Variants in ZNF462 observed in about 807,000 individuals in gnomAD.
The protein encoded by ZNF462 is zinc finger PBX1-interacting protein.
In ZNF462, 10 loss-of-function variants were observed where a neutral mutation model predicts 201.9. That is an observed-to-expected ratio of 0.05 (90% CI 0.03 to 0.08). The LOEUF is 0.08. ZNF462 is among the 10% of genes least tolerant of loss of function. The pLI is 1.00. For synonymous variants in ZNF462, 1,227 were observed against 1,193.3 expected (o/e 1.03, Z -0.58); for missense variants, 2,523 against 3,168.3 (o/e 0.80, Z 4.89).
At position 106,896,175 on chromosome 9, in the gene ZNF462, A is replaced by G. The variant is rs548673767; in HGVS notation, c.-30-27179A>G. Among the ~76,000 whole-genome samples the G allele has an allele frequency of 5.9e-5, 9 of 152,262 alleles. No homozygotes were observed. In the South Asian group the frequency reaches 1.7e-3, roughly 28 times the overall value. ...ATTTTTAACTTCCATGAGAAAGAAC[A>G]TGCCTTATACCAGCCTTCTGTCCCC... On this transcript the variant is annotated intron_variant, in intron 1 of 12. Transcript: ENST00000277225.
chr9:106,943,772 C>A (rs529896694), intron 7 of ZNF462, among the ~76,000 whole-genome samples: 1 of 152,268 alleles, frequency 6.6e-6, no homozygotes, highest in African/African-American at 2.4e-5. Context: ...CCAGTGGTAT[C>A]TTGGAGGCAT....
Position 106,927,213 on chromosome 9 carries a change from C to T in ZNF462, c.3301C>T (p.Pro1101Ser), listed in dbSNP as rs372055331. ...AATGTCCAACATGGGTTCCCCACCC[C>T]CCCCACAACCCCCGCCACCAGACCT... is the stretch of plus-strand genomic sequence containing the variant. ...PKMSNMGSPP[P>S]PQPPPPDLST... The change falls in exon 3 of 13, where the codon CCC becomes TCC. Residue 1101 changes from proline to serine, a missense_variant. Physicochemically the swap from Pro to Ser is moderately conservative, Grantham distance 74. This residue lies in a region of ZNF462 where 280 missense variants were observed against 321.3 expected (regional missense o/e 0.87). Coordinates refer to ENST00000277225, the MANE Select transcript of ZNF462 (RefSeq NM_021224.6). 4.4e-6 allele frequency: 7 copies of T among 1,608,304 alleles called. No individual in the cohort carries two copies. The African/African-American group carries it at 8.1e-5, about 19-fold the overall frequency.
At chr9:106,879,332 A>ACCCCCCCCCCC (rs796290122) in intron 1 of ZNF462, among the ~76,000 whole-genome samples, 32 of 70,698 alleles carry the variant, frequency 4.5e-4, no homozygotes, top group African/African-American at 5.0e-4. Flanking sequence ...GATGCTTTCC[A>ACCCCCCCCCCC]CCCCCCCCCC....
At position 106,977,069 on chromosome 9, in the gene ZNF462, C is replaced by T. The variant is rs980604193; in HGVS notation, c.6832+2796C>T. Among the ~76,000 whole-genome samples, 4 of 152,154 alleles carry T rather than the reference C, an allele frequency of 2.6e-5. No homozygotes were observed. The highest frequency in any genetic ancestry group is 4.4e-5 in the Non-Finnish European group (3 of 68,048). ...CAGAGGAGGTCAGAGGGGAAGTCCACGGATCCACAGGCAGCAGAGTGCCTC... is the reference window on the plus strand; with the variant it reads ...CAGAGGAGGTCAGAGGGGAAGTCCATGGATCCACAGGCAGCAGAGTGCCTC... On this transcript the variant is annotated intron_variant, in intron 9 of 12. Transcript: ENST00000277225. This position sits in a 1 kb window ranked among gnomAD's most constrained non-coding sequence, Gnocchi z 4.6.
At chr9:106,990,956 GAT>G (rs1828228659) in intron 10 of ZNF462, among the ~76,000 whole-genome samples, 1 of 151,974 alleles carries the variant, frequency 6.6e-6, no homozygotes, top group African/African-American at 2.4e-5. Context: ...TAGGGGGAAA[GAT>G]ATACAAACAC....
At position 107,013,100 on chromosome 9, in the gene ZNF462, A is replaced by G. The variant is rs1830015722; in HGVS notation, c.*2070A>G. ...GTTTGTAATGGTTACCAAAAAACAA[A>G]CAAAAAAAGAAAGAAAAAGGAAAAA... On this transcript the variant is annotated 3_prime_UTR_variant, in exon 13 of 13. Transcript: ENST00000277225. 6.6e-6 allele frequency: 1 copy of G among 151,888 alleles called. No homozygotes were observed. Among genetic ancestry groups the G allele is most frequent in the South Asian group, 2.1e-4 (1 of 4,832 alleles). The allele number at this position is 151,888 out of a possible 1,614,324, so 9.4% of individuals were successfully genotyped here.
chr9:106,925,488 A>C lies in ZNF462; in HGVS notation c.1576A>C (p.Asn526His), dbSNP rs1830153556. 1 of 1,614,150 alleles carries C rather than the reference A, an allele frequency of 6.2e-7. No individual in the cohort carries two copies. The highest frequency in any genetic ancestry group is 2.2e-5 in the East Asian group (1 of 44,876). ...GVVSYESSSI[N>H]GRKSGVMLDP... ...GGTGTCTTATGAGAGCTCAAGCATC[A>C]ATGGTAGAAAGTCAGGAGTCATGTT... is the stretch of plus-strand genomic sequence containing the variant. Residue 526 changes from asparagine (N) to histidine (H), a missense_variant, in exon 3 of 13, where the codon AAT becomes CAT. Asn to His is a moderately conservative substitution (Grantham distance 68). This residue lies in a region of ZNF462 where 383 missense variants were observed against 453.4 expected (regional missense o/e 0.84). Coordinates refer to ENST00000277225, the MANE Select transcript of ZNF462 (RefSeq NM_021224.6). This position sits in a 1 kb window ranked among gnomAD's most constrained non-coding sequence, Gnocchi z 7.9.
intron 6 of ZNF462, among the ~76,000 whole-genome samples, chr9:106,937,447 C>A (rs1830678790): frequency 6.6e-6 from 1 of 152,170 alleles, no homozygotes; most frequent in African/African-American, 2.4e-5. Context: ...CCTTAGACCA[C>A]ACCTCTGTTC....
Position 106,924,513 on chromosome 9 carries a change from C to G in ZNF462, c.601C>G (p.Pro201Ala), listed in dbSNP as rs1348669582. 1 of 1,614,166 alleles carries G rather than the reference C, an allele frequency of 6.2e-7. No homozygotes were observed. Among genetic ancestry groups the G allele is most frequent in the East Asian group, 2.2e-5 (1 of 44,868 alleles). Residue 201 changes from proline to alanine, a missense_variant, in exon 3 of 13, where the codon CCA becomes GCA. By Grantham distance (27) the Pro-to-Ala change is conservative. Around this residue, in one of 15 missense-constraint regions of ZNF462, gnomAD observed 480 missense variants for 544.4 expected, o/e 0.88. Coordinates refer to ENST00000277225, the MANE Select transcript of ZNF462 (RefSeq NM_021224.6). This position sits in a 1 kb window ranked among gnomAD's most constrained non-coding sequence, Gnocchi z 6.2. Reference sequence around the variant, plus strand: ...CACTGCTCCCCCACCTGCTCCTGCTCCAATGCCAGACCCTGTGGTTCCGCC... The same window carrying G: ...CACTGCTCCCCCACCTGCTCCTGCTGCAATGCCAGACCCTGTGGTTCCGCC... ...ETTAPPPAPA[P>A]MPDPVVPPVS...
rs1257184404 is a variant in ZNF462, at chr9:106,920,161, G to A, written c.-30-3193G>A. Among the ~76,000 whole-genome samples the A allele has an allele frequency of 2.0e-5, 3 of 149,724 alleles. No homozygotes were observed. Among genetic ancestry groups the A allele is most frequent in the African/African-American group, 4.9e-5 (2 of 40,634 alleles). On this transcript the variant is annotated intron_variant, in intron 1 of 12. Transcript: ENST00000277225. The surrounding 1 kb of genome is among the most constrained non-coding windows in gnomAD (Gnocchi z 4.3). ...TTTCTCACCTTTTTTTTTTTTCCTC[G>A]GTTTTGGTTTCTTAGAGGATTACCA...
rs762698063 is a variant in ZNF462, at chr9:106,930,769, A to G, written c.6012+80A>G. On this transcript the variant is annotated intron_variant, in intron 4 of 12. Coordinates refer to ENST00000277225, the MANE Select transcript of ZNF462 (RefSeq NM_021224.6). The surrounding 1 kb of genome is among the most constrained non-coding windows in gnomAD (Gnocchi z 5.8). ...TTAACCCCATTGCCTAAAGCAGCTC[A>G]GGAAAGAGCATCTCAGAATGCGGGC... The G allele has an allele frequency of 4.6e-6, 7 of 1,529,016 alleles. No homozygotes were observed. Among genetic ancestry groups the G allele is most frequent in the Non-Finnish European group, 6.2e-6 (7 of 1,121,454 alleles). The allele number at this position is 1,529,016 out of a possible 1,614,324, so 94.7% of individuals were successfully genotyped here. A position where few individuals can be genotyped will look rare whatever the true frequency, so the allele number is the denominator to read the frequency against.
rs1829540664 is a variant in ZNF462, at chr9:107,006,337, C to T, written c.7189+2911C>T. On this transcript the variant is annotated intron_variant, in intron 11 of 12. Transcript: ENST00000277225. This position sits in a 1 kb window ranked among gnomAD's most constrained non-coding sequence, Gnocchi z 4.3. ...GACCCAGGAAATTTAAGAGCATGTT[C>T]AAAGTAAAAAACAAAACAAACAAAC... Among the ~76,000 whole-genome samples, 1 of 152,016 alleles carries T rather than the reference C, an allele frequency of 6.6e-6. No homozygotes were observed. Among genetic ancestry groups the T allele is most frequent in the South Asian group, 2.1e-4 (1 of 4,814 alleles).
In ZNF462 at chr9:107,009,716, G is replaced by A. The variant is rs371035234; in HGVS notation, c.7313+48G>A. 3 of 1,578,556 alleles carry A rather than the reference G, an allele frequency of 1.9e-6. No homozygotes were observed. Among genetic ancestry groups the A allele is most frequent in the African/African-American group, 1.3e-5 (1 of 74,262 alleles). Reference sequence around the variant, plus strand: ...TGCCTTTGTCCAAAGCAAGAGGTAGGGAGGGAGGGAGGGGCTCTTGTTTTG... The same window carrying A: ...TGCCTTTGTCCAAAGCAAGAGGTAGAGAGGGAGGGAGGGGCTCTTGTTTTG... On this transcript the variant is annotated intron_variant, in intron 12 of 12. Coordinates refer to ENST00000277225, the MANE Select transcript of ZNF462 (RefSeq NM_021224.6). This position sits in a 1 kb window ranked among gnomAD's most constrained non-coding sequence, Gnocchi z 6.1.
In ZNF462 at chr9:107,009,090, A is replaced by G. The variant is rs771329648; in HGVS notation, c.7190-455A>G. On this transcript the variant is annotated intron_variant, in intron 11 of 12. Coordinates refer to ENST00000277225, the MANE Select transcript of ZNF462 (RefSeq NM_021224.6). The surrounding 1 kb of genome is among the most constrained non-coding windows in gnomAD (Gnocchi z 6.1). ...GTAGAAACCCTGAGGTCCACAACACATAACCTGGTCCAGGGCTTTCGGTAG... is the reference window on the plus strand; with the variant it reads ...GTAGAAACCCTGAGGTCCACAACACGTAACCTGGTCCAGGGCTTTCGGTAG... 2.1e-4 allele frequency: 34 copies of G among 160,598 alleles called. No individual in the cohort carries two copies. The highest frequency in any genetic ancestry group is 3.1e-4 in the Non-Finnish European group (23 of 73,112). The allele number at this position is 160,598 out of a possible 1,614,324, so 9.9% of individuals were successfully genotyped here. A position where few individuals can be genotyped will look rare whatever the true frequency, so the allele number is the denominator to read the frequency against.
At position 106,873,929 on chromosome 9, in the gene ZNF462, C is replaced by T. The variant is rs1272152923; in HGVS notation, c.-31+10574C>T. On this transcript the variant is annotated intron_variant, in intron 1 of 12. Transcript: ENST00000277225. ...AATCCTAACATTGCTATGGATCTATCCAGTTGATCTCTGGTCTCCAGACAG... is the reference window on the plus strand; with the variant it reads ...AATCCTAACATTGCTATGGATCTATTCAGTTGATCTCTGGTCTCCAGACAG... Among the ~76,000 whole-genome samples the T allele has an allele frequency of 3.3e-5, 5 of 152,110 alleles. No homozygotes were observed. The East Asian group carries it at 9.7e-4, about 29-fold the overall frequency.
In ZNF462 at chr9:106,925,647, C is replaced by G; in HGVS notation, c.1735C>G (p.Gln579Glu). ...QPPHQVPPQP[Q>E]TQPPPTQQPQ... ...ACCACATCAGGTGCCACCCCAGCCA[C>G]AAACACAGCCACCACCAACGCAGCA... Residue 579 changes from glutamine to glutamate, a missense_variant, in exon 3 of 13, where the codon CAA becomes GAA. Physicochemically the swap from Gln to Glu is conservative, Grantham distance 29 (BLOSUM62 2). This residue lies in a region of ZNF462 where 383 missense variants were observed against 453.4 expected (regional missense o/e 0.84). Coordinates refer to ENST00000277225, the MANE Select transcript of ZNF462 (RefSeq NM_021224.6). The surrounding 1 kb of genome is among the most constrained non-coding windows in gnomAD (Gnocchi z 7.9). 2 of 1,614,060 alleles carry G rather than the reference C, an allele frequency of 1.2e-6. No individual in the cohort carries two copies. Among genetic ancestry groups the G allele is most frequent in the Non-Finnish European group, 1.7e-6 (2 of 1,179,976 alleles).
rs1827554436 is a variant in ZNF462, at chr9:106,870,790, T to G, written c.-31+7435T>G. Among the ~76,000 whole-genome samples, 1 of 152,140 alleles carries G rather than the reference T, an allele frequency of 6.6e-6. No homozygotes were observed. The highest frequency in any genetic ancestry group is 2.1e-4 in the South Asian group (1 of 4,828). ...GTCAGAAGTAATAAAGCCCAGGATT[T>G]GTGGAGAGAGCTTAGCCGCCACAGA... On this transcript the variant is annotated intron_variant, in intron 1 of 12. Transcript: ENST00000277225. This position sits in a 1 kb window ranked among gnomAD's most constrained non-coding sequence, Gnocchi z 4.3.
rs761049992 is a variant in ZNF462 at position 107,010,840 on chromosome 9, A to T, written c.7331A>T (p.Lys2444Met). 6.2e-7 allele frequency: 1 copy of T among 1,612,920 alleles called. No homozygotes were observed. The highest frequency in any genetic ancestry group is 8.5e-7 in the Non-Finnish European group (1 of 1,179,450). ...LRHGMALNDT[K>M]QVSREEIHPK... The stretch of plus-strand genomic sequence containing the variant: ...TTTTCCAGGGCATTGAATGACACCA[A>T]GCAGGTGAGCAGAGAAGAAATCCAC... The change falls in exon 13 of 13, where the codon AAG (lysine) becomes ATG (methionine). Residue 2444 changes from lysine to methionine, a missense_variant. By Grantham distance (95) the Lys-to-Met change is moderately conservative. Around this residue, in one of 15 missense-constraint regions of ZNF462, gnomAD observed 228 missense variants for 361.2 expected, o/e 0.63. Coordinates refer to ENST00000277225, the MANE Select transcript of ZNF462 (RefSeq NM_021224.6). The surrounding 1 kb of genome is among the most constrained non-coding windows in gnomAD (Gnocchi z 4.6).
chr9:106,930,428 C>T lies in ZNF462; in HGVS notation c.5848-97C>T, dbSNP rs1414194369. The T allele has an allele frequency of 7.4e-6, 11 of 1,480,752 alleles. No homozygotes were observed. The highest frequency in any genetic ancestry group is 5.6e-5 in the African/African-American group (4 of 71,250). 91.7% of individuals were successfully genotyped at this position (1,480,752 alleles called of 1,614,324 possible). On this transcript the variant is annotated intron_variant, in intron 3 of 12. Transcript: ENST00000277225. The surrounding 1 kb of genome is among the most constrained non-coding windows in gnomAD (Gnocchi z 5.8). ...CTCCCTTGGTTTTTAACCTGCTAAT[C>T]GGCTTTAAAATAAAGTATGTTAGTA...
Sources: allele counts gnomAD v4.1 joint callset (sites outside exome capture counted in the v4.1 genomes callset), GRCh38; gene constraint gnomAD v4.1.1; regional missense constraint gnomAD v4.1.1; non-coding constraint Gnocchi (gnomAD v3.1); transcripts MANE v1.5; gene names NCBI Gene and HGNC (gene_info 2026-07-23, HGNC 2026-07-21).